The following ZNRF3 variants were observed in gnomAD, a reference collection of about 807,000 sequenced individuals.
ZNRF3 encodes zinc and ring finger 3, also known as E3 ubiquitin-protein ligase ZNRF3.
A neutral mutation model predicts 72.5 loss-of-function variants in ZNRF3; 23 were observed. The observed-to-expected ratio is 0.32, with a 90% CI of 0.23 to 0.45. The LOEUF is 0.45. Ranked by LOEUF, ZNRF3 falls within the 20% of genes least tolerant of loss-of-function variation. The probability of loss-of-function intolerance (pLI) is 1.00; values close to 1 mark genes in which losing one functional copy is unlikely to be tolerated. For synonymous variants in ZNRF3, 610 were observed against 545.3 expected (o/e 1.12, Z -1.65); for missense variants, 1,169 against 1,272.1 (o/e 0.92, Z 1.23).
intron 2 of ZNRF3, among the ~76,000 whole-genome samples, chr22:29,038,634 A>AT (rs941804757): frequency 6.6e-6 from 1 of 151,914 alleles, no homozygotes; most frequent in African/African-American, 2.4e-5. Flanking sequence ...CCTGGCCTGT[A>AT]TTTTTTTAAT....
intron 2 of ZNRF3, among the ~76,000 whole-genome samples, chr22:29,042,122 A>G: frequency 6.6e-6 from 1 of 152,342 alleles, no homozygotes; most frequent in East Asian, 1.9e-4. Flanking sequence ...TCTTTAAAAA[A>G]AAGTTTTCTA....
chr22:29,039,478 G>A (rs2036920331), intron 2 of ZNRF3, among the ~76,000 whole-genome samples: 2 of 152,162 alleles, frequency 1.3e-5, no homozygotes, highest in Non-Finnish European at 2.9e-5. Context: ...GAGAGGGGCT[G>A]TTTATTTCCT....
rs1391265146 is a variant in ZNRF3 at position 29,048,672 on chromosome 22, T to C, written c.1015+181T>C. 6.6e-6 allele frequency among the ~76,000 whole-genome samples: 1 copy of C among 152,184 alleles called. No homozygotes were observed. Among genetic ancestry groups the C allele is most frequent in the African/African-American group, 2.4e-5 (1 of 41,434 alleles). ...CCTTAGGAGAGCTTGGCATTAAGAA[T>C]CACCCTGAGTTCAAGTTTGGGCTTC... On this transcript the variant is annotated intron_variant, in intron 7 of 8. Transcript: ENST00000544604. This position sits in a 1 kb window ranked among gnomAD's most constrained non-coding sequence, Gnocchi z 4.9.
chr22:28,997,917 T>A (rs1205233028), intron 2 of ZNRF3, among the ~76,000 whole-genome samples: 1 of 139,378 alleles, frequency 7.2e-6, no homozygotes, highest in Non-Finnish European at 1.5e-5. Context: ...CATGGGAGGA[T>A]CATTTGAGCC....
At chr22:29,025,521 C>T (rs1265960773) in intron 2 of ZNRF3, 1 of 152,112 alleles carries the variant, frequency 6.6e-6, no homozygotes, top group Non-Finnish European at 1.5e-5. Flanking sequence ...AACTCTTAAT[C>T]CATTTGTTTC....
chr22:28,893,077 G>A (rs2033921001), intron 1 of ZNRF3, among the ~76,000 whole-genome samples: 1 of 152,090 alleles, frequency 6.6e-6, no homozygotes, highest in Non-Finnish European at 1.5e-5. Flanking sequence ...TGAGGCAGGA[G>A]AATGGTGTGA....
intron 1 of ZNRF3, among the ~76,000 whole-genome samples, chr22:28,943,943 G>A (rs1366367906): frequency 6.6e-6 from 1 of 151,786 alleles, no homozygotes; most frequent in African/African-American, 2.4e-5. Flanking sequence ...GTTTAGCTCG[G>A]TGGATTTGCC....
intron 1 of ZNRF3, among the ~76,000 whole-genome samples, chr22:28,901,589 A>C (rs547500689): frequency 6.8e-6 from 1 of 148,084 alleles, no homozygotes; most frequent in East Asian, 2.0e-4. Context: ...TGACTGGCGC[A>C]TGGAGTCCTC....
intron 1 of ZNRF3, among the ~76,000 whole-genome samples, chr22:28,897,398 G>C (rs1601533801): frequency 6.6e-6 from 1 of 152,192 alleles, no homozygotes; most frequent in Non-Finnish European, 1.5e-5. Flanking sequence ...TCCGTTCACT[G>C]CAAACTCTGC....
At chr22:29,035,386 G>A (rs1315698044) in intron 2 of ZNRF3, among the ~76,000 whole-genome samples, 5 of 152,156 alleles carry the variant, frequency 3.3e-5, no homozygotes, top group Admixed American at 1.3e-4. Context: ...AATCTGCTAC[G>A]TGCCTCTTAG....
intron 1 of ZNRF3, among the ~76,000 whole-genome samples, chr22:28,890,636 G>A (rs1005301413): frequency 6.6e-6 from 1 of 152,198 alleles, no homozygotes; most frequent in Non-Finnish European, 1.5e-5. Flanking sequence ...GATAGGTTAT[G>A]GAAGGAAAGA....
intron 2 of ZNRF3, among the ~76,000 whole-genome samples, chr22:28,996,430 A>G (rs1468541469): frequency 5.3e-5 from 8 of 152,246 alleles, no homozygotes; most frequent in Admixed American, 2.0e-4. Flanking sequence ...GTAAATATCA[A>G]TAGATATAAC....
intron 2 of ZNRF3, among the ~76,000 whole-genome samples, chr22:29,019,702 A>C (rs1010717988): frequency 6.6e-6 from 1 of 152,132 alleles, no homozygotes; most frequent in African/African-American, 2.4e-5. Context: ...CATGTACCCA[A>C]ACTACACCAA....
At chr22:29,034,258 T>C (rs1022526253) in intron 2 of ZNRF3, among the ~76,000 whole-genome samples, 3 of 152,234 alleles carry the variant, frequency 2.0e-5, no homozygotes, top group African/African-American at 7.2e-5. Flanking sequence ...CCCTCTTCAG[T>C]AGTTGTCAGA....
At chr22:28,948,992 T>A (rs2035104487) in intron 1 of ZNRF3, among the ~76,000 whole-genome samples, 1 of 152,200 alleles carries the variant, frequency 6.6e-6, no homozygotes, top group Non-Finnish European at 1.5e-5. Context: ...TAATTAATTA[T>A]TTTTGAGGTG....
intron 1 of ZNRF3, among the ~76,000 whole-genome samples, chr22:28,890,185 G>C: frequency 6.6e-6 from 1 of 152,170 alleles, no homozygotes. Context: ...TAGACCCACT[G>C]GTATTACAAT....
intron 1 of ZNRF3, among the ~76,000 whole-genome samples, chr22:28,900,541 T>C (rs2034082983): frequency 6.6e-6 from 1 of 152,242 alleles, no homozygotes; most frequent in African/African-American, 2.4e-5. Context: ...GCAGGTGGCA[T>C]CTGCTGTTCT....
At position 29,049,308 on chromosome 22, in the gene ZNRF3, A is replaced by G. The variant is rs1038903033; in HGVS notation, c.1127A>G (p.Asn376Ser). 14 of 1,613,824 alleles carry G rather than the reference A, an allele frequency of 8.7e-6. No individual in the cohort carries two copies. The highest frequency in any genetic ancestry group is 1.3e-5 in the African/African-American group (1 of 74,902). The change falls in exon 8 of 9, where the codon AAC (asparagine) becomes AGC (serine). Residue 376 changes from asparagine (N) to serine (S), a missense_variant. Physicochemically the swap from Asn to Ser is conservative, Grantham distance 46 (BLOSUM62 1). Coordinates refer to ENST00000544604, the MANE Select transcript of ZNRF3 (RefSeq NM_001206998.2). This position sits in a 1 kb window ranked among gnomAD's most constrained non-coding sequence, Gnocchi z 5.2. ...VHYPGRVHRT[N>S]AIPAYPTRTS... is the part of the protein sequence containing the mutation. ...TACCCCGGCCGCGTGCACAGGACCA[A>G]CGCCATCCCAGCCTACCCTACGAGG...
At chr22:29,002,957 G>T (rs2036175886) in intron 2 of ZNRF3, among the ~76,000 whole-genome samples, 2 of 152,122 alleles carry the variant, frequency 1.3e-5, no homozygotes, top group South Asian at 4.1e-4. Flanking sequence ...AACACCAGAA[G>T]CACCAAGGAA....
Sources: allele counts gnomAD v4.1 joint callset (sites outside exome capture counted in the v4.1 genomes callset), GRCh38; gene constraint gnomAD v4.1.1; non-coding constraint Gnocchi (gnomAD v3.1); transcripts MANE v1.5; gene names NCBI Gene and HGNC (gene_info 2026-07-23, HGNC 2026-07-21).